The following CLCA1 variants were observed in gnomAD, a reference collection of about 807,000 sequenced individuals.
CLCA1 encodes calcium-activated chloride channel regulator 1.
CLCA1 carries 59 observed loss-of-function variants against 85.6 expected under a neutral mutation model. That is an observed-to-expected ratio of 0.69 (90% confidence interval 0.56 to 0.86). CLCA1 has a LOEUF of 0.86. CLCA1 is among the 40% of genes least tolerant of loss of function. The probability of loss-of-function intolerance (pLI) is 0.00; values close to 1 mark genes in which losing one functional copy is unlikely to be tolerated. For synonymous variants in CLCA1, 396 were observed against 398.3 expected, an observed-to-expected ratio of 0.99 and a Z score of 0.07; for missense variants, 1,022 against 1,101.4, an observed-to-expected ratio of 0.93 and a Z score of 1.02.
intron 4 of CLCA1, among the ~76,000 whole-genome samples, chr1:86,480,505 C>T (rs1570282404): frequency 6.6e-6 from 1 of 152,152 alleles, no homozygotes; most frequent in South Asian, 2.1e-4. Context: ...TGCCTGTGGT[C>T]CCAGCTACTT....
intron 3 of CLCA1, among the ~76,000 whole-genome samples, chr1:86,474,081 T>C (rs909167962): frequency 2.0e-5 from 3 of 152,254 alleles, no homozygotes; most frequent in African/African-American, 7.2e-5. Flanking sequence ...TTACTTTAGA[T>C]ACATGTATAA....
chr1:86,476,101 T>C (rs955651871), intron 3 of CLCA1, among the ~76,000 whole-genome samples: 2 of 152,164 alleles, frequency 1.3e-5, no homozygotes, highest in African/African-American at 2.4e-5. Context: ...TGGGCTCCCA[T>C]AGCCGCCTTT....
intron 5 of CLCA1, among the ~76,000 whole-genome samples, chr1:86,483,515 C>T (rs1647875353): frequency 6.6e-6 from 1 of 151,618 alleles, no homozygotes; most frequent in Admixed American, 6.6e-5. Flanking sequence ...CTTTTGTATA[C>T]TATGCCTTAA....
chr1:86,491,383 T>A lies in CLCA1; in HGVS notation c.1464+12T>A. On this transcript the variant is annotated intron_variant, in intron 9 of 13. Coordinates refer to ENST00000394711, the MANE Select transcript of CLCA1 (RefSeq NM_001285.4). ...AGCGCTCCATCCAGGTTGGAGTTCT[T>A]AATCTTTGGTTTTTCATATTTACAC... 1 of 1,573,364 alleles carries A rather than the reference T, an allele frequency of 6.4e-7. No homozygotes were observed. Among genetic ancestry groups the A allele is most frequent in the Non-Finnish European group, 8.7e-7 (1 of 1,147,572 alleles).
At chr1:86,495,166 A>C (rs571835081) in intron 11 of CLCA1, among the ~76,000 whole-genome samples, 1 of 152,346 alleles carries the variant, frequency 6.6e-6, no homozygotes, top group South Asian at 2.1e-4. Context: ...ATAATCATAC[A>C]ACATTTTTTT....
chr1:86,476,883 G>A (rs574163288), intron 4 of CLCA1, among the ~76,000 whole-genome samples: 58 of 152,178 alleles, frequency 3.8e-4, no homozygotes, highest in African/African-American at 1.4e-3. Flanking sequence ...AGCTAATGAG[G>A]CTCTTCGGTG....
intron 1 of CLCA1, among the ~76,000 whole-genome samples, chr1:86,473,084 C>G (rs1010128355): frequency 1.4e-4 from 22 of 152,292 alleles, no homozygotes; most frequent in Admixed American, 7.2e-4. Context: ...ACAACCTTAT[C>G]AGCCAGTCAC....
chr1:86,491,983 A>G (rs1242735904), intron 9 of CLCA1, among the ~76,000 whole-genome samples: 3 of 152,152 alleles, frequency 2.0e-5, no homozygotes, highest in Admixed American at 6.6e-5. Flanking sequence ...TAAAATTTCA[A>G]GAAAACCAAA....
intron 8 of CLCA1, among the ~76,000 whole-genome samples, chr1:86,489,792 TC>T (rs1363401487): frequency 6.6e-6 from 1 of 152,238 alleles, no homozygotes; most frequent in Non-Finnish European, 1.5e-5. Context: ...CACATATTTT[TC>T]TTTTTTAACT....
In CLCA1 at chr1:86,482,185, T is replaced by C. The variant is rs1325420764; in HGVS notation, c.558-20T>C. ...GAAATGACGACATCACCTAAACATC[T>C]AACCTTCCTATATTTTCAGATGTTC... is the stretch of plus-strand genomic sequence containing the variant. On this transcript the variant is annotated intron_variant, in intron 4 of 13. Transcript: ENST00000394711. 6.2e-7 allele frequency: 1 copy of C among 1,601,480 alleles called. No homozygotes were observed. The highest frequency in any genetic ancestry group is 1.1e-5 in the South Asian group (1 of 90,404).
At chr1:86,471,858 CACAGCAGGA>C (rs1647507024) in intron 1 of CLCA1, among the ~76,000 whole-genome samples, 1 of 151,960 alleles carries the variant, frequency 6.6e-6, no homozygotes, top group African/African-American at 2.4e-5. Context: ...TAGGAAGAGG[CACAGCAGGA>C]CTTACCCGTG....
chr1:86,493,420 T>C lies in CLCA1; in HGVS notation c.1501T>C (p.Trp501Arg), dbSNP rs1169645683. Residue 501 changes from tryptophan (W) to arginine (R), a missense_variant, in exon 10 of 14, where the codon TGG becomes CGG. Trp to Arg is a moderately radical substitution (Grantham distance 101, BLOSUM62 -3). Coordinates refer to ENST00000394711, the MANE Select transcript of CLCA1 (RefSeq NM_001285.4). ...GGGATTAACCCTCCAGAACAGCCAGTGGATGAATGGCACAGTGATCGTGGA... is the reference window on the plus strand; with the variant it reads ...GGGATTAACCCTCCAGAACAGCCAGCGGATGAATGGCACAGTGATCGTGGA... ...SKGLTLQNSQWMNGTVIVDST... is the reference protein window; with the variant it reads ...SKGLTLQNSQRMNGTVIVDST... 2.5e-6 allele frequency: 4 copies of C among 1,614,086 alleles called. No individual in the cohort carries two copies. Among genetic ancestry groups the C allele is most frequent in the Admixed American group, 1.7e-5 (1 of 60,016 alleles).
At position 86,493,538 on chromosome 1, in the gene CLCA1, G is replaced by T. The variant is rs975855575; in HGVS notation, c.1619G>T (p.Gly540Val). The change falls in exon 10 of 14, where the codon GGT (glycine) becomes GTT (valine). Residue 540 changes from glycine to valine, a missense_variant. By Grantham distance (109) the Gly-to-Val change is moderately radical. Transcript: ENST00000394711. ...TGGGATCCCAGTGGACAGAAGCAAG[G>T]TGGCTTTGTAGTGGACAAAAACACC... The part of the protein sequence containing the change: ...LLWDPSGQKQ[G>V]GFVVDKNTKM... 1.9e-6 allele frequency: 3 copies of T among 1,614,010 alleles called. No individual in the cohort carries two copies. Among genetic ancestry groups the T allele is most frequent in the African/African-American group, 1.3e-5 (1 of 74,928 alleles).
At chr1:86,490,575 G>C (rs1648107128) in intron 8 of CLCA1, among the ~76,000 whole-genome samples, 1 of 152,118 alleles carries the variant, frequency 6.6e-6, no homozygotes, top group Admixed American at 6.5e-5. Flanking sequence ...TTTCAAATAA[G>C]AGTAAATCGA....
chr1:86,475,169 T>G (rs1647609258), intron 3 of CLCA1, among the ~76,000 whole-genome samples: 1 of 152,206 alleles, frequency 6.6e-6, no homozygotes, highest in African/African-American at 2.4e-5. Context: ...CCAGCCATCA[T>G]GATCATATAT....
At chr1:86,470,593 C>A (rs532141500) in intron 1 of CLCA1, among the ~76,000 whole-genome samples, 1 of 152,270 alleles carries the variant, frequency 6.6e-6, no homozygotes, top group East Asian at 1.9e-4. Flanking sequence ...GTTTTCCTCC[C>A]GAGATACGTA....
At chr1:86,486,883 AT>A in intron 7 of CLCA1, 130 bp downstream of exon 7, 1 of 790,636 alleles carries the variant, frequency 1.3e-6, no homozygotes, top group Non-Finnish European at 2.1e-6. Flanking sequence ...AATATTCCAT[AT>A]TTACTTGGAG....
Position 86,500,018 on chromosome 1 carries a change from A to G in CLCA1, c.2718A>G (p.Ile906Met). 6.2e-7 allele frequency: 1 copy of G among 1,611,670 alleles called. No homozygotes were observed. The highest frequency in any genetic ancestry group is 8.5e-7 in the Non-Finnish European group (1 of 1,177,830). Residue 906 changes from isoleucine (I) to methionine (M), a missense_variant, in exon 14 of 14, where the codon ATA (isoleucine) becomes ATG (methionine). Physicochemically the swap from Ile to Met is conservative, Grantham distance 10. Coordinates refer to ENST00000394711, the MANE Select transcript of CLCA1 (RefSeq NM_001285.4). Reference sequence around the variant, plus strand: ...TTTTAAAAATTATGTGGAAGTGGATAGGAGAACTGCAGCTGTCAATAGCCT... The same window carrying G: ...TTTTAAAAATTATGTGGAAGTGGATGGGAGAACTGCAGCTGTCAATAGCCT... ...IHILKIMWKW[I>M]GELQLSIA is the part of the protein sequence containing the mutation.
Position 86,486,649 on chromosome 1 carries a change from A to C in CLCA1, c.1078A>C (p.Ile360Leu), listed in dbSNP as rs755670585. 6.2e-7 allele frequency: 1 copy of C among 1,614,210 alleles called. No homozygotes were observed. The part of the protein sequence containing the change: ...DSAAHVQNEL[I>L]QINSGSDRDT... ...TGCTGCCCATGTACAAAATGAACTC[A>C]TACAGATAAACAGTGGCAGTGACAG... The change falls in exon 7 of 14, where the codon ATA (isoleucine) becomes CTA (leucine). Residue 360 changes from isoleucine (I) to leucine (L), a missense_variant. Transcript: ENST00000394711.
Sources: allele counts gnomAD v4.1 joint callset (sites outside exome capture counted in the v4.1 genomes callset), GRCh38; gene constraint gnomAD v4.1.1; transcripts MANE v1.5; gene names NCBI Gene and HGNC (gene_info 2026-07-23, HGNC 2026-07-21).